ASTN2: variants seen among roughly 807,000 people sequenced by gnomAD.
ASTN2 encodes the protein astrotactin 2, also known as astrotactin-2.
Under a neutral mutation model 139.8 loss-of-function variants are expected in ASTN2, and 54 were observed. The ratio of observed to expected loss-of-function variants is 0.39; its 90% CI spans 0.31 to 0.48. ASTN2 has a LOEUF of 0.48. Ranked by LOEUF, ASTN2 falls within the 20% of genes least tolerant of loss-of-function variation. ASTN2 has a pLI of 0.95. For missense variants in ASTN2, 1,565 were observed against 1,725.1 expected, an observed-to-expected ratio of 0.91 and a Z score of 1.64; for synonymous variants, 756 against 719.5, an observed-to-expected ratio of 1.05 and a Z score of -0.81.
intron 10 of ASTN2, among the ~76,000 whole-genome samples, chr9:116,965,219 G>A (rs902931301): frequency 1.3e-5 from 2 of 152,198 alleles, no homozygotes; most frequent in Non-Finnish European, 2.9e-5. Flanking sequence ...TCGGTTAATG[G>A]CTGCCGTCTT....
intron 1 of ASTN2, among the ~76,000 whole-genome samples, chr9:117,378,331 T>C (rs1451321312): frequency 6.6e-6 from 1 of 152,192 alleles, no homozygotes; most frequent in African/African-American, 2.4e-5. Flanking sequence ...GTCCATGTTA[T>C]GGAGGCAGAT....
Position 117,199,425 on chromosome 9 carries a change from T to C in ASTN2, c.1015+14933A>G, listed in dbSNP as rs181266375. On this transcript the variant is annotated intron_variant, in intron 3 of 22. Coordinates refer to ENST00000313400, the MANE Select transcript of ASTN2 (RefSeq NM_001365068.1). ...TTTGTCAGTTTTGTCAAAGATCAGA[T>C]GGTTGTAGATGTGTGGTGTTATTTC... 2.7e-3 allele frequency among the ~76,000 whole-genome samples: 411 copies of C among 152,310 alleles called. 1 individual carries two copies. Among genetic ancestry groups the C allele is most frequent in the Non-Finnish European group, 4.2e-3 (287 of 68,026 alleles).
chr9:117,205,790 C>T (rs777965260), intron 3 of ASTN2, among the ~76,000 whole-genome samples: 3 of 152,146 alleles, frequency 2.0e-5, no homozygotes, highest in East Asian at 1.9e-4. Context: ...AGCTTTCACC[C>T]GTTATCATCA....
At chr9:116,839,881 A>AT (rs71502081) in intron 11 of ASTN2, among the ~76,000 whole-genome samples, 53 of 127,972 alleles carry the variant, frequency 4.1e-4, no homozygotes, top group African/African-American at 7.8e-4. Flanking sequence ...TATTATTATT[A>AT]TTTTTTTTTT....
chr9:116,545,044 A>G (rs1345309875), intron 19 of ASTN2, among the ~76,000 whole-genome samples: 2 of 152,068 alleles, frequency 1.3e-5, no homozygotes, highest in Non-Finnish European at 2.9e-5. Context: ...CAGCCTTGGG[A>G]CAGTTCCTTC....
intron 20 of ASTN2, among the ~76,000 whole-genome samples, chr9:116,448,650 CA>C (rs1476704642): frequency 6.6e-6 from 1 of 152,138 alleles, no homozygotes. Flanking sequence ...AGCTACTGAG[CA>C]AGTAGAAATT....
At chr9:117,228,604 T>A (rs1445950077) in intron 2 of ASTN2, among the ~76,000 whole-genome samples, 1 of 152,098 alleles carries the variant, frequency 6.6e-6, no homozygotes, top group Non-Finnish European at 1.5e-5. Context: ...CTCTGTGGCA[T>A]GATAGGAACA....
intron 3 of ASTN2, among the ~76,000 whole-genome samples, chr9:117,153,512 C>A (rs1830368875): frequency 6.6e-6 from 1 of 152,118 alleles, no homozygotes; most frequent in Non-Finnish European, 1.5e-5. Context: ...ATATCATTAT[C>A]TCTATCTTAT....
intron 11 of ASTN2, among the ~76,000 whole-genome samples, chr9:116,853,335 C>A (rs545642252): frequency 6.6e-6 from 1 of 152,192 alleles, no homozygotes; most frequent in Non-Finnish European, 1.5e-5. Context: ...CTTATGAATG[C>A]AAAAATTCTA....
At chr9:116,631,930 A>G (rs1856763819) in intron 17 of ASTN2, among the ~76,000 whole-genome samples, 1 of 151,900 alleles carries the variant, frequency 6.6e-6, no homozygotes, top group Non-Finnish European at 1.5e-5. Flanking sequence ...CCTGGCCAAC[A>G]TAGTGAAACC....
chr9:117,003,879 T>C (rs1432888040), intron 7 of ASTN2, among the ~76,000 whole-genome samples: 2 of 151,400 alleles, frequency 1.3e-5, no homozygotes, highest in Non-Finnish European at 2.9e-5. Context: ...CAGAGATATA[T>C]AATCCCACAA....
intron 1 of ASTN2, among the ~76,000 whole-genome samples, chr9:117,391,510 C>T (rs1564180864): frequency 6.6e-6 from 1 of 152,140 alleles, no homozygotes; most frequent in East Asian, 1.9e-4. Flanking sequence ...ATCATGAGAA[C>T]AGCATGGGAA....
chr9:116,743,519 T>C (rs1321100483), intron 13 of ASTN2, among the ~76,000 whole-genome samples: 1 of 150,046 alleles, frequency 6.7e-6, no homozygotes, highest in East Asian at 2.1e-4. Context: ...ATCATGCCGC[T>C]GCACTCCAGT....
At chr9:116,760,301 C>G (rs906612478) in intron 13 of ASTN2, among the ~76,000 whole-genome samples, 2 of 152,146 alleles carry the variant, frequency 1.3e-5, no homozygotes, top group African/African-American at 4.8e-5. Flanking sequence ...ATTTTTTGAA[C>G]AGAGAAGTAT....
chr9:116,747,554 G>A (rs1588260916), intron 13 of ASTN2, among the ~76,000 whole-genome samples: 3 of 152,204 alleles, frequency 2.0e-5, no homozygotes, highest in South Asian at 4.1e-4. Flanking sequence ...TCAGAGGGGT[G>A]AGAATCACTT....
In ASTN2 at chr9:117,183,497, G is replaced by A. The variant is rs764583940; in HGVS notation, c.1015+30861C>T. ...ACATCATTTGTTCTTACAACAACTC[G>A]GGTATCCACATCCTTATTGTCTCCA... On this transcript the variant is annotated intron_variant, in intron 3 of 22. Coordinates refer to ENST00000313400, the MANE Select transcript of ASTN2 (RefSeq NM_001365068.1). Among the ~76,000 whole-genome samples, 5 of 152,106 alleles carry A rather than the reference G, an allele frequency of 3.3e-5. No homozygotes were observed. In the East Asian group the frequency reaches 5.8e-4, roughly 18 times the overall value.
chr9:117,195,249 G>C (rs1489246665), intron 3 of ASTN2, among the ~76,000 whole-genome samples: 1 of 152,204 alleles, frequency 6.6e-6, no homozygotes, highest in East Asian at 1.9e-4. Context: ...AGAATGATGA[G>C]AGAGAGCCAT....
At chr9:117,024,139 C>T (rs1837981017) in intron 6 of ASTN2, among the ~76,000 whole-genome samples, 2 of 152,092 alleles carry the variant, frequency 1.3e-5, no homozygotes, top group Non-Finnish European at 2.9e-5. Flanking sequence ...CCCAACTTAC[C>T]CTTTTATGCT....
At chr9:116,520,589 A>G (rs1412931257) in intron 19 of ASTN2, among the ~76,000 whole-genome samples, 1 of 152,152 alleles carries the variant, frequency 6.6e-6, no homozygotes, top group Non-Finnish European at 1.5e-5. Context: ...TAAGAACTGG[A>G]ATAAGAGAAG....
Sources: allele counts gnomAD v4.1 joint callset (sites outside exome capture counted in the v4.1 genomes callset), GRCh38; gene constraint gnomAD v4.1.1; transcripts MANE v1.5; gene names NCBI Gene and HGNC (gene_info 2026-07-23, HGNC 2026-07-21).